Variants in COL24A1 observed in about 807,000 individuals in gnomAD.
COL24A1 encodes the protein collagen alpha-1(XXIV) chain.
A neutral mutation model predicts 253.9 loss-of-function variants in COL24A1; 224 were observed. That is an observed-to-expected ratio of 0.88 (90% CI 0.79 to 0.99). The LOEUF (loss-of-function observed/expected upper bound fraction) is 0.99, where lower values mean the gene tolerates loss of function less well. Among genes scored for constraint, COL24A1 ranks in the 50% least tolerant of loss-of-function variants. The pLI is 0.00. For missense variants in COL24A1, 2,131 were observed against 2,068.5 expected, an observed-to-expected ratio of 1.03 and a Z score of -0.59; for synonymous variants, 685 against 673.7, an observed-to-expected ratio of 1.02 and a Z score of -0.26.
intron 47 of COL24A1, among the ~76,000 whole-genome samples, chr1:85,797,681 A>G (rs1383652723): frequency 6.6e-6 from 1 of 152,176 alleles, no homozygotes; most frequent in East Asian, 1.9e-4. Flanking sequence ...TTTTCTGTAA[A>G]CTGGATATAA....
chr1:85,874,630 G>C lies in COL24A1; in HGVS notation c.3138+19C>G. Reference sequence around the variant, plus strand: ...AGAAGTGGGTTAGTGTATTAAAAGAGTTTCAAGGGGGCACTCACCCGTAAA... The same window carrying C: ...AGAAGTGGGTTAGTGTATTAAAAGACTTTCAAGGGGGCACTCACCCGTAAA... On this transcript the variant is annotated intron_variant, in intron 35 of 59. Coordinates refer to ENST00000370571, the MANE Select transcript of COL24A1 (RefSeq NM_152890.7). The C allele has an allele frequency of 6.2e-7, 1 of 1,610,826 alleles. No individual in the cohort carries two copies. Among genetic ancestry groups the C allele is most frequent in the East Asian group, 2.2e-5 (1 of 44,882 alleles).
intron 14 of COL24A1, among the ~76,000 whole-genome samples, chr1:86,025,621 C>T (rs566894021): frequency 7.3e-4 from 111 of 152,238 alleles, no homozygotes; most frequent in African/African-American, 2.2e-3. Context: ...GAAGGGAACA[C>T]CTGAGAGATA....
At chr1:85,963,880 T>G (rs1571390403) in intron 23 of COL24A1, among the ~76,000 whole-genome samples, 1 of 152,164 alleles carries the variant, frequency 6.6e-6, no homozygotes, top group East Asian at 1.9e-4. Context: ...GGAGAATTGT[T>G]AATCCCAGGC....
At position 86,020,794 on chromosome 1, in the gene COL24A1, C is replaced by T. The variant is rs554368024; in HGVS notation, c.2256+1446G>A. On this transcript the variant is annotated intron_variant, in intron 18 of 59. Coordinates refer to ENST00000370571, the MANE Select transcript of COL24A1 (RefSeq NM_152890.7). ...AGAGAGTCTTTATATGGTTTAGAAC[C>T]ATCCTTGAAAAACAGAAGTTGTTTG... Among the ~76,000 whole-genome samples, 8 of 152,166 alleles carry T rather than the reference C, an allele frequency of 5.3e-5. No homozygotes were observed. In the East Asian group the frequency reaches 1.2e-3, roughly 22 times the overall value.
At chr1:85,765,918 A>G (rs1667319577) in intron 53 of COL24A1, among the ~76,000 whole-genome samples, 1 of 152,112 alleles carries the variant, frequency 6.6e-6, no homozygotes, top group Admixed American at 6.6e-5. Flanking sequence ...TAAGTGTTTC[A>G]GGTCTCATAG....
chr1:86,125,630 T>C lies in COL24A1; in HGVS notation c.706A>G (p.Arg236Gly). 1 of 1,613,004 alleles carries C rather than the reference T, an allele frequency of 6.2e-7. No individual in the cohort carries two copies. Among genetic ancestry groups the C allele is most frequent in the Non-Finnish European group, 8.5e-7 (1 of 1,179,366 alleles). Residue 236 changes from arginine to glycine, a missense_variant, in exon 3 of 60, where the codon AGA becomes GGA. Physicochemically the swap from Arg to Gly is moderately radical, Grantham distance 125. Transcript: ENST00000370571. ...TGGCGACACTGCTGTTTCACATATC[T>C]GCAGTAGTCTGCAGATGCTTCTGCA... ...PSAEASADYC[R>G]YVKQQCRQAD... is the part of the protein sequence containing the mutation.
rs190031896 is a variant in COL24A1 at position 85,852,302 on chromosome 1, T to C, written c.3301-2896A>G. Among the ~76,000 whole-genome samples the C allele has an allele frequency of 2.6e-3, 399 of 152,146 alleles. 4 individuals carry two copies. The highest frequency in any genetic ancestry group is 2.9e-3 in the South Asian group (14 of 4,826). On this transcript the variant is annotated intron_variant, in intron 37 of 59. Transcript: ENST00000370571. ...TATCTTCAATTTCCATTGGTCTGTTTGTTTATTTGTGAATGAGTATGGCAC... is the reference window on the plus strand; with the variant it reads ...TATCTTCAATTTCCATTGGTCTGTTCGTTTATTTGTGAATGAGTATGGCAC...
chr1:85,976,589 C>T (rs1416699887), intron 20 of COL24A1, among the ~76,000 whole-genome samples: 1 of 152,114 alleles, frequency 6.6e-6, no homozygotes, highest in Admixed American at 6.5e-5. Context: ...CTCTTGGGAG[C>T]TTTATGGCCT....
intron 55 of COL24A1, 24 bp from the exon 56 acceptor site, chr1:85,745,530 G>T (rs1665121622): frequency 6.3e-7 from 1 of 1,583,910 alleles, no homozygotes; most frequent in South Asian, 1.1e-5. Context: ...AACCATTTGA[G>T]ATTAGCAATA....
At chr1:85,986,203 G>T (rs955208429) in intron 20 of COL24A1, among the ~76,000 whole-genome samples, 1 of 151,668 alleles carries the variant, frequency 6.6e-6, no homozygotes, top group Admixed American at 6.6e-5. Context: ...CAGGGATCAG[G>T]ACTCTTTTTT....
In COL24A1 at chr1:86,022,852, G is replaced by T; in HGVS notation, c.2129C>A (p.Pro710His). Residue 710 changes from proline to histidine, a missense_variant, in exon 16 of 60, where the codon CCT becomes CAT. Coordinates refer to ENST00000370571, the MANE Select transcript of COL24A1 (RefSeq NM_152890.7). ...PMGLSGNKGL[P>H]GIKGDKGEQG... The stretch of plus-strand genomic sequence containing the variant: ...AATCACCTTATCACCTTTGATTCCA[G>T]GTAGTCCTTTATTCCCTGAAAGGCC... The T allele has an allele frequency of 6.3e-7, 1 of 1,592,146 alleles. No individual in the cohort carries two copies. The highest frequency in any genetic ancestry group is 1.2e-5 in the South Asian group (1 of 86,028).
chr1:85,849,423 A>T lies in COL24A1; in HGVS notation c.3301-17T>A, dbSNP rs764145140. 1.6e-5 allele frequency: 25 copies of T among 1,589,384 alleles called. No homozygotes were observed. Among genetic ancestry groups the T allele is most frequent in the Non-Finnish European group, 2.1e-5 (24 of 1,159,582 alleles). ...TTCAGGTCCCTAAAATATTCAATAT[A>T]AAAAAGGAAATAAATGGTTAAAGAA... On this transcript the variant is annotated splice_polypyrimidine_tract_variant and intron_variant, in intron 37 of 59. Transcript: ENST00000370571.
intron 28 of COL24A1, among the ~76,000 whole-genome samples, chr1:85,903,160 T>C (rs554414878): frequency 1.3e-5 from 2 of 152,316 alleles, no homozygotes; most frequent in South Asian, 4.1e-4. Context: ...AGAAGTTCTG[T>C]GCCCACAGTG....
At chr1:86,057,476 T>C (rs923652771) in intron 10 of COL24A1, among the ~76,000 whole-genome samples, 7 of 152,218 alleles carry the variant, frequency 4.6e-5, no homozygotes, top group Admixed American at 6.5e-5. Flanking sequence ...TTTCCTTTAA[T>C]GGTTTGGGAG....
intron 3 of COL24A1, among the ~76,000 whole-genome samples, chr1:86,121,945 G>C (rs1647421780): frequency 6.6e-6 from 1 of 152,004 alleles, no homozygotes; most frequent in Non-Finnish European, 1.5e-5. Flanking sequence ...GGGTATATAG[G>C]CAGGAAAAAA....
chr1:86,013,247 A>G (rs1459022934), intron 19 of COL24A1, among the ~76,000 whole-genome samples: 1 of 152,202 alleles, frequency 6.6e-6, no homozygotes, highest in East Asian at 1.9e-4. Flanking sequence ...TCATAGAAGT[A>G]TATATGTAGG....
At chr1:85,773,638 A>T (rs1668220050) in intron 53 of COL24A1, among the ~76,000 whole-genome samples, 1 of 140,236 alleles carries the variant, frequency 7.1e-6, no homozygotes, top group African/African-American at 2.6e-5. Flanking sequence ...AGCTATTGTG[A>T]ATGGGAGTTC....
In COL24A1 at chr1:85,742,565, G is replaced by A. The variant is rs1050283005; in HGVS notation, c.4672+2101C>T. ...ATCTCCTTCTTGACCTTGAACTTGA[G>A]TAGTCAACTACCTACTTGACATTCT... is the stretch of plus-strand genomic sequence containing the variant. On this transcript the variant is annotated intron_variant, in intron 57 of 59. Transcript: ENST00000370571. 5.3e-5 allele frequency among the ~76,000 whole-genome samples: 8 copies of A among 152,068 alleles called. No homozygotes were observed. In the East Asian group the frequency reaches 1.3e-3, roughly 26 times the overall value.
At chr1:85,866,539 C>T (rs11161692) in intron 37 of COL24A1, among the ~76,000 whole-genome samples, 29,443 of 151,842 alleles carry the variant, frequency 0.19, 3,215 homozygotes, top group Non-Finnish European at 0.24. Context: ...TTTGGAAGGC[C>T]GAGTCCGGTG....
Sources: allele counts gnomAD v4.1 joint callset (sites outside exome capture counted in the v4.1 genomes callset), GRCh38; gene constraint gnomAD v4.1.1; transcripts MANE v1.5; gene names NCBI Gene and HGNC (gene_info 2026-07-23, HGNC 2026-07-21).